OR6J1: variants seen among roughly 807,000 people sequenced by gnomAD.
The protein encoded by OR6J1 is olfactory receptor 6J1.
For missense variants in OR6J1, 304 were observed against 166.8 expected (o/e 1.82, Z -4.53); for synonymous variants, 109 against 70.0 (o/e 1.56, Z -2.78).
At position 22,643,071 on chromosome 14, in the gene OR6J1, G is replaced by A. The variant is rs989330335; in HGVS notation, c.-28+1027C>T. Among the ~76,000 whole-genome samples the A allele has an allele frequency of 9.2e-5, 14 of 151,570 alleles. 1 individual carries two copies. Among genetic ancestry groups the A allele is most frequent in the Admixed American group, 3.9e-4 (6 of 15,198 alleles). On this transcript the variant is annotated intron_variant, in intron 1 of 1. Transcript: ENST00000540461. ...CAACCTCCGCCTCCCCGGTTCAAGC[G>A]ATTCTCCAGCCTCAGCCTCCCAAGT...
Position 22,636,544 on chromosome 14 carries a change from G to C in OR6J1, c.-27-1706C>G, listed in dbSNP as rs1375389209. On this transcript the variant is annotated intron_variant, in intron 1 of 1. Coordinates refer to ENST00000540461, the MANE Select transcript of OR6J1 (RefSeq NM_001348233.2). ...TCCTGCCTCAGCCTGCTGAGTGCCT[G>C]CGATTGCAGGCGCACGCCGCCACGC... Among the ~76,000 whole-genome samples the C allele has an allele frequency of 4.4e-5, 5 of 113,220 alleles. No homozygotes were observed. In the East Asian group the frequency reaches 1.2e-3, roughly 27 times the overall value. 74.3% of individuals were successfully genotyped at this position (113,220 alleles called of 152,430 possible).
At chr14:22,636,533 G>T (rs1330547562) in intron 1 of OR6J1, among the ~76,000 whole-genome samples, 1 of 110,650 alleles carries the variant, frequency 9.0e-6, no homozygotes, top group Non-Finnish European at 1.7e-5. Context: ...GCCTCAGCCT[G>T]CTGAGTGCCT....
rs892066077 is a variant in OR6J1, at chr14:22,631,859, G to T, written c.*1909C>A. 1.3e-5 allele frequency: 2 copies of T among 152,866 alleles called. No homozygotes were observed. The highest frequency in any genetic ancestry group is 2.0e-4 in the South Asian group (1 of 5,068). 9.5% of individuals were successfully genotyped at this position (152,866 alleles called of 1,614,324 possible). On this transcript the variant is annotated 3_prime_UTR_variant, in exon 2 of 2. Transcript: ENST00000540461. ...CCCATGCCAAAATCCTCCAGTCAGG[G>T]AATACTCGGGCCTTTCCCTTTTTTT...
At chr14:22,642,030 C>T (rs1269985467) in intron 1 of OR6J1, among the ~76,000 whole-genome samples, 5 of 151,846 alleles carry the variant, frequency 3.3e-5, no homozygotes, top group African/African-American at 9.7e-5. Context: ...GCAGAAATCC[C>T]GAGGACTGAG....
chr14:22,639,349 C>T (rs1175649809), intron 1 of OR6J1, among the ~76,000 whole-genome samples: 1 of 121,698 alleles, frequency 8.2e-6, no homozygotes, highest in African/African-American at 3.8e-5. Flanking sequence ...CCACCCCGTC[C>T]GGGAGGGAGA....
At chr14:22,639,359 A>T (rs1310387697) in intron 1 of OR6J1, among the ~76,000 whole-genome samples, 1 of 96,652 alleles carries the variant, frequency 1.0e-5, no homozygotes, top group Non-Finnish European at 2.0e-5. Context: ...CGGGAGGGAG[A>T]TGGGGGGGTC....
chr14:22,636,783 G>A (rs1377576011), intron 1 of OR6J1, among the ~76,000 whole-genome samples: 2 of 118,036 alleles, frequency 1.7e-5, no homozygotes, highest in Non-Finnish European at 3.3e-5. Flanking sequence ...CCTCCCAGCC[G>A]CCTGCCTTGG....
intron 1 of OR6J1, among the ~76,000 whole-genome samples, chr14:22,641,321 G>GA (rs1594904051): frequency 0.5 from 65,435 of 129,766 alleles, 20,779 homozygotes; most frequent in East Asian, 0.66. Context: ...GAGAGAGAGA[G>GA]GAAGGAAGGA....
intron 1 of OR6J1, among the ~76,000 whole-genome samples, chr14:22,640,496 T>G (rs1029964067): frequency 6.9e-6 from 1 of 145,686 alleles, no homozygotes; most frequent in Non-Finnish European, 1.5e-5. Context: ...TTTTTTTTTT[T>G]TTTTTTTTTT....
intron 1 of OR6J1, among the ~76,000 whole-genome samples, chr14:22,638,938 C>A (rs1324762762): frequency 8.6e-6 from 1 of 116,038 alleles, no homozygotes; most frequent in Non-Finnish European, 1.7e-5. Context: ...GCCCGGCCGC[C>A]CATCGTCTGA....
intron 1 of OR6J1, among the ~76,000 whole-genome samples, chr14:22,643,748 CACACACACACACACACAGAGAGAGAG>C (rs1417546606): frequency 6.5e-5 from 7 of 108,476 alleles, no homozygotes; most frequent in African/African-American, 2.6e-4. Context: ...CACACACACA[CACACACACACACACACAGAGAGAGAG>C]AGAGAGAGAG....
At chr14:22,638,960 C>T (rs1234618021) in intron 1 of OR6J1, among the ~76,000 whole-genome samples, 4 of 114,834 alleles carry the variant, frequency 3.5e-5, no homozygotes, top group African/African-American at 1.8e-4. Context: ...ATGTGGGGAG[C>T]GCCTCTGCCC....
At chr14:22,636,878 G>C (rs1172307445) in intron 1 of OR6J1, among the ~76,000 whole-genome samples, 1 of 117,344 alleles carries the variant, frequency 8.5e-6, no homozygotes. Flanking sequence ...GCCACCCATC[G>C]TCTGGGATAT....
chr14:22,636,973 G>A (rs1202639979), intron 1 of OR6J1, among the ~76,000 whole-genome samples: 2 of 126,102 alleles, frequency 1.6e-5, no homozygotes, highest in African/African-American at 8.0e-5. Flanking sequence ...AGCGAGGAGC[G>A]CCTCTTCCCG....
chr14:22,642,188 CTT>C (rs1256318338), intron 1 of OR6J1, among the ~76,000 whole-genome samples: 1 of 151,800 alleles, frequency 6.6e-6, no homozygotes, highest in African/African-American at 2.4e-5. Context: ...AGGATCTTTT[CTT>C]TCTTAACAGC....
rs66909785 is a variant in OR6J1 at position 22,632,997 on chromosome 14, A to C, written c.*771T>G. On this transcript the variant is annotated 3_prime_UTR_variant, in exon 2 of 2. Transcript: ENST00000540461. ...TATTTCTGCTTCCAGGGGAAGCATC[A>C]CACTTGTGTGGAATAATCTCTGTGT... 6.6e-6 allele frequency: 1 copy of C among 152,058 alleles called. No individual in the cohort carries two copies. Among genetic ancestry groups the C allele is most frequent in the African/African-American group, 2.4e-5 (1 of 41,354 alleles). The allele number at this position is 152,058 out of a possible 1,614,324, so 9.4% of individuals were successfully genotyped here. A position where few individuals can be genotyped will look rare whatever the true frequency, so the allele number is the denominator to read the frequency against.
At chr14:22,639,279 G>A in intron 1 of OR6J1, among the ~76,000 whole-genome samples, 1 of 129,040 alleles carries the variant, frequency 7.7e-6, no homozygotes, top group Non-Finnish European at 1.6e-5. Flanking sequence ...TCCGGGAGGT[G>A]AGGGGCGCCT....
chr14:22,641,631 A>T (rs1187893370), intron 1 of OR6J1, among the ~76,000 whole-genome samples: 1 of 152,168 alleles, frequency 6.6e-6, no homozygotes, highest in Non-Finnish European at 1.5e-5. Context: ...TTGGATTGAA[A>T]ATGTATATTA....
Position 22,634,515 on chromosome 14 carries a change from C to T in OR6J1, c.297G>A (p.Gln99=), listed in dbSNP as rs2139291132. Residue 99 remains glutamine (Q), a synonymous_variant, in exon 2 of 2, where the codon CAG becomes CAA. Transcript: ENST00000540461. ...TGCCCAAGAAAAAGTAGAAATAGCA[C>T]TGGGTGATACATCCGGCAAAGGAGA... ...KTISFAGCIT[Q]CYFYFFLGTV... is the part of the protein sequence containing the mutation. The T allele has an allele frequency of 1.4e-6, 1 of 703,712 alleles. No individual in the cohort carries two copies. The highest frequency in any genetic ancestry group is 2.7e-5 in the East Asian group (1 of 37,296). The allele number at this position is 703,712 out of a possible 1,614,324, so 43.6% of individuals were successfully genotyped here. A position where few individuals can be genotyped will look rare whatever the true frequency, so the allele number is the denominator to read the frequency against.
Sources: gnomAD v4.1 joint callset for allele counts (sites outside exome capture counted in the v4.1 genomes callset) on GRCh38, gnomAD v4.1.1 for gene constraint, MANE v1.5 for transcripts, NCBI Gene and HGNC (gene_info 2026-07-23, HGNC 2026-07-21) for gene names.